The following TRPM3 variants were observed in gnomAD, a reference collection of about 807,000 sequenced individuals.
TRPM3 encodes long transient receptor potential channel 3.
Under a neutral mutation model 181.2 loss-of-function variants are expected in TRPM3, and 77 were observed. The observed-to-expected ratio is 0.42, with a 90% CI of 0.35 to 0.51. The LOEUF (loss-of-function observed/expected upper bound fraction) is 0.51. TRPM3 is among the 20% of genes least tolerant of loss of function. TRPM3 has a pLI of 0.01. For synonymous variants in TRPM3, 745 were observed against 796.4 expected (o/e 0.94, Z 1.09); for missense variants, 1,759 against 2,196.7 (o/e 0.80, Z 3.98).
intron 1 of TRPM3, among the ~76,000 whole-genome samples, chr9:71,189,542 T>C (rs2077883124): frequency 6.6e-6 from 1 of 151,836 alleles, no homozygotes; most frequent in African/African-American, 2.4e-5. Flanking sequence ...TTTTGTGTTA[T>C]AATCCCATCA....
intron 6 of TRPM3, among the ~76,000 whole-genome samples, chr9:70,796,829 G>A (rs532716027): frequency 6.6e-5 from 10 of 152,214 alleles, no homozygotes; most frequent in Admixed American, 2.6e-4. Context: ...GACATTTGGG[G>A]TACAAAGGAA....
chr9:70,861,942 G>A (rs2095531671), intron 3 of TRPM3, among the ~76,000 whole-genome samples: 1 of 151,294 alleles, frequency 6.6e-6, no homozygotes, highest in South Asian at 2.1e-4. Flanking sequence ...GCGGGGGTGG[G>A]GGGCAGGGAA....
chr9:71,328,413 G>A (rs1283026016), intron 1 of TRPM3, among the ~76,000 whole-genome samples: 10 of 152,064 alleles, frequency 6.6e-5, no homozygotes, highest in African/African-American at 2.4e-4. Flanking sequence ...TGATCTGCCC[G>A]CCTCGGCCTC....
intron 7 of TRPM3, among the ~76,000 whole-genome samples, chr9:70,782,125 G>C (rs1222682662): frequency 6.6e-6 from 1 of 151,608 alleles, no homozygotes; most frequent in Non-Finnish European, 1.5e-5. Context: ...GCTAAAATCT[G>C]TATTAAAATT....
intron 1 of TRPM3, among the ~76,000 whole-genome samples, chr9:71,349,686 T>C (rs1237913515): frequency 6.6e-6 from 1 of 152,190 alleles, no homozygotes; most frequent in Non-Finnish European, 1.5e-5. Flanking sequence ...TCAAATGTCT[T>C]TTCTTTTGAC....
At chr9:71,172,726 T>A (rs2076928091) in intron 1 of TRPM3, among the ~76,000 whole-genome samples, 1 of 152,124 alleles carries the variant, frequency 6.6e-6, no homozygotes, top group African/African-American at 2.4e-5. Context: ...GCACTCAGAT[T>A]TACTGAACAT....
intron 6 of TRPM3, among the ~76,000 whole-genome samples, chr9:70,803,559 C>T (rs2089877345): frequency 6.6e-6 from 1 of 150,944 alleles, no homozygotes; most frequent in African/African-American, 2.4e-5. Context: ...TGCTTTTCTC[C>T]TGCCTCAGCC....
chr9:71,348,183 C>T (rs780743702), intron 1 of TRPM3, among the ~76,000 whole-genome samples: 9 of 152,050 alleles, frequency 5.9e-5, no homozygotes, highest in East Asian at 1.9e-4. Flanking sequence ...CATTTCAGTG[C>T]GCAATGAAAC....
intron 1 of TRPM3, among the ~76,000 whole-genome samples, chr9:71,136,971 T>C (rs1183304238): frequency 6.6e-6 from 1 of 152,154 alleles, no homozygotes; most frequent in African/African-American, 2.4e-5. Context: ...GGTTTTTAAG[T>C]GTGCAGTAAA....
chr9:70,674,133 C>A (rs1041510652), intron 9 of TRPM3, among the ~76,000 whole-genome samples: 3 of 152,192 alleles, frequency 2.0e-5, no homozygotes, highest in Non-Finnish European at 4.4e-5. Flanking sequence ...GAAAGAGGGG[C>A]AGCAAGTCTT....
chr9:71,057,771 A>G (rs2060833038), intron 1 of TRPM3, among the ~76,000 whole-genome samples: 1 of 151,948 alleles, frequency 6.6e-6, no homozygotes, highest in African/African-American at 2.4e-5. Context: ...TCTCATGGCA[A>G]TTTTTCAACT....
chr9:70,645,893 C>A (rs1180247796), intron 9 of TRPM3, among the ~76,000 whole-genome samples: 1 of 152,026 alleles, frequency 6.6e-6, no homozygotes, highest in Non-Finnish European at 1.5e-5. Context: ...AAGAAAAAAA[C>A]AACCTGATCA....
rs547148447 is a variant in TRPM3 at position 71,093,528 on chromosome 9, C to T, written c.177+27650G>A. ...TCATTAGTGAAATACAAATCAAAAC[C>T]GCAATGACATATCATCTCACACCAG... On this transcript the variant is annotated intron_variant, in intron 1 of 25. Coordinates refer to ENST00000677713, the MANE Select transcript of TRPM3 (RefSeq NM_001366145.2). Among the ~76,000 whole-genome samples the T allele has an allele frequency of 2.4e-4, 36 of 152,114 alleles. No homozygotes were observed. The South Asian group carries it at 5.2e-3, about 22-fold the overall frequency.
At chr9:71,328,935 T>C (rs1314206744) in intron 1 of TRPM3, among the ~76,000 whole-genome samples, 4 of 152,244 alleles carry the variant, frequency 2.6e-5, no homozygotes, top group Non-Finnish European at 5.9e-5. Context: ...TGGACAATGC[T>C]GAATGCCTGC....
chr9:70,889,010 A>G (rs1421556297), intron 1 of TRPM3, among the ~76,000 whole-genome samples: 9 of 152,186 alleles, frequency 5.9e-5, no homozygotes, highest in Admixed American at 5.9e-4. Context: ...GGAAATTTCA[A>G]CATGAATGGA....
intron 1 of TRPM3, among the ~76,000 whole-genome samples, chr9:71,089,174 T>C (rs1416073228): frequency 1.4e-5 from 2 of 147,856 alleles, no homozygotes; most frequent in Non-Finnish European, 3.0e-5. Flanking sequence ...TATGAATATA[T>C]ATTTTTATGA....
chr9:71,156,041 C>T (rs1346534980), intron 1 of TRPM3, among the ~76,000 whole-genome samples: 2 of 151,946 alleles, frequency 1.3e-5, no homozygotes, highest in Non-Finnish European at 2.9e-5. Flanking sequence ...TTTTTAAACT[C>T]CCCTTATAAT....
chr9:71,357,698 C>A (rs2091959716), intron 1 of TRPM3, among the ~76,000 whole-genome samples: 2 of 150,728 alleles, frequency 1.3e-5, no homozygotes, highest in Admixed American at 6.6e-5. Flanking sequence ...CTAAGTAGGT[C>A]TAACTGCATC....
intron 1 of TRPM3, among the ~76,000 whole-genome samples, chr9:71,080,591 G>A (rs550115723): frequency 1.3e-5 from 2 of 152,256 alleles, no homozygotes; most frequent in South Asian, 4.1e-4. Flanking sequence ...TTCAGTGGCA[G>A]TCTTATCTCC....
Sources: allele counts gnomAD v4.1 joint callset (sites outside exome capture counted in the v4.1 genomes callset), GRCh38; gene constraint gnomAD v4.1.1; transcripts MANE v1.5; gene names NCBI Gene and HGNC (gene_info 2026-07-23, HGNC 2026-07-21).